The following SALL3 variants were observed in gnomAD, a reference collection of about 807,000 sequenced individuals.
SALL3 encodes sal-like protein 3.
In SALL3, 25 loss-of-function variants were observed where a neutral mutation model predicts 66.2. That is an observed-to-expected ratio of 0.38 (90% CI 0.28 to 0.53). The LOEUF is 0.53. SALL3 is among the 20% of genes least tolerant of loss of function. The pLI, the probability that SALL3 is intolerant of heterozygous loss-of-function variation, is 0.85. For synonymous variants in SALL3, 1,152 were observed against 899.1 expected, an observed-to-expected ratio of 1.28 and a Z score of -5.03; for missense variants, 2,194 against 1,916.5, an observed-to-expected ratio of 1.14 and a Z score of -2.70.
At position 78,993,884 on chromosome 18, in the gene SALL3, C is replaced by T. The variant is rs755300592; in HGVS notation, c.1893C>T (p.Leu631=). ...PTSVDGAPTS[L]GSPGLPAVSE... The stretch of plus-strand genomic sequence containing the variant: ...CGGTGGACGGCGCACCCACGAGCCT[C>T]GGCAGCCCCGGGCTGCCCGCCGTCT... The change falls in exon 2 of 3, where the codon CTC becomes CTT. Residue 631 remains leucine, a synonymous_variant. Coordinates refer to ENST00000537592, the MANE Select transcript of SALL3 (RefSeq NM_171999.4). 40 of 1,575,176 alleles carry T rather than the reference C, an allele frequency of 2.5e-5. No individual in the cohort carries two copies. The highest frequency in any genetic ancestry group is 2.8e-5 in the Non-Finnish European group (33 of 1,162,000).
rs769881505 is a variant in SALL3, at chr18:78,993,068, A to G, written c.1077A>G (p.Pro359=). ...TGCTGGGTGCGGCGCCCGGCCTGCC[A>G]AGTCCGCTTCTACCTCAGACTTCCG... ...GSLLGAAPGL[P]SPLLPQTSAS... Residue 359 remains proline (P), a synonymous_variant, in exon 2 of 3, where the codon CCA becomes CCG. Coordinates refer to ENST00000537592, the MANE Select transcript of SALL3 (RefSeq NM_171999.4). 6.3e-7 allele frequency: 1 copy of G among 1,594,520 alleles called. No homozygotes were observed. Among genetic ancestry groups the G allele is most frequent in the South Asian group, 1.1e-5 (1 of 89,166 alleles).
At position 78,995,611 on chromosome 18, in the gene SALL3, AT is replaced by A. The variant is rs922822013; in HGVS notation, c.3471+150del. The stretch of plus-strand genomic sequence containing the variant: ...CCACGCCTGTGGGTGTGTGTGCGTG[AT>A]GTGTGCGTGTTATAGGGTGTGATAT... On this transcript the variant is annotated intron_variant, in intron 2 of 2. Coordinates refer to ENST00000537592, the MANE Select transcript of SALL3 (RefSeq NM_171999.4). 1.1e-4 allele frequency: 137 copies of A among 1,299,656 alleles called. No individual in the cohort carries two copies. The African/African-American group carries it at 1.8e-3, about 17-fold the overall frequency. 80.5% of individuals were successfully genotyped at this position (1,299,656 alleles called of 1,614,324 possible).
intron 1 of SALL3, among the ~76,000 whole-genome samples, chr18:78,989,465 G>A (rs567461252): frequency 2.0e-5 from 3 of 152,162 alleles, no homozygotes; most frequent in Non-Finnish European, 4.4e-5. Flanking sequence ...AAGATAAAAT[G>A]TATCTGTGGT....
Position 78,993,249 on chromosome 18 carries a change from C to T in SALL3, c.1258C>T (p.His420Tyr). 3 of 1,610,938 alleles carry T rather than the reference C, an allele frequency of 1.9e-6. No homozygotes were observed. Among genetic ancestry groups the T allele is most frequent in the Non-Finnish European group, 2.5e-6 (3 of 1,179,686 alleles). ...KASAEDPFFKHKCRFCAKVFG... is the reference protein window; with the variant it reads ...KASAEDPFFKYKCRFCAKVFG... ...CAGCGCCGAGGACCCGTTCTTCAAGCACAAATGCCGCTTCTGCGCCAAGGT... is the reference window on the plus strand; with the variant it reads ...CAGCGCCGAGGACCCGTTCTTCAAGTACAAATGCCGCTTCTGCGCCAAGGT... The change falls in exon 2 of 3, where the codon CAC (histidine) becomes TAC (tyrosine). Residue 420 changes from histidine (H) to tyrosine (Y), a missense_variant. Coordinates refer to ENST00000537592, the MANE Select transcript of SALL3 (RefSeq NM_171999.4).
At chr18:78,990,396 G>A (rs1197143904) in intron 1 of SALL3, among the ~76,000 whole-genome samples, 3 of 152,154 alleles carry the variant, frequency 2.0e-5, no homozygotes, top group African/African-American at 4.8e-5. Context: ...ATTGAACACT[G>A]CTAATAATTT....
In SALL3 at chr18:78,994,904, G is replaced by A; in HGVS notation, c.2913G>A (p.Arg971=). The part of the protein sequence containing the change: ...PFSLLFLSRE[R]GKCPSTVCGV... ...GCCTGCTGTTCCTGAGCAGGGAGCG[G>A]GGTAAGTGTCCCAGCACTGTGTGTG... is the stretch of plus-strand genomic sequence containing the variant. Residue 971 remains arginine, a synonymous_variant, in exon 2 of 3, where the codon CGG becomes CGA. Coordinates refer to ENST00000537592, the MANE Select transcript of SALL3 (RefSeq NM_171999.4). 1 of 1,612,952 alleles carries A rather than the reference G, an allele frequency of 6.2e-7. No individual in the cohort carries two copies. Among genetic ancestry groups the A allele is most frequent in the African/African-American group, 1.3e-5 (1 of 75,046 alleles).
At chr18:78,995,702 CGT>C (rs4030880) in intron 2 of SALL3, among the ~76,000 whole-genome samples, 1 of 151,624 alleles carries the variant, frequency 6.6e-6, no homozygotes, top group Admixed American at 6.6e-5. Flanking sequence ...GTGTATGGGT[CGT>C]GTGTGTGTGC....
Position 78,992,859 on chromosome 18 carries a change from CAGCCGCTGTCCCGGCCCG to C in SALL3, c.871_888del (p.Pro291_Glu296del), listed in dbSNP as rs1045093394. 7.3e-5 allele frequency: 72 copies of C among 983,022 alleles called. No individual in the cohort carries two copies. In the South Asian group the frequency reaches 1.7e-3, roughly 23 times the overall value. 60.9% of individuals were successfully genotyped at this position (983,022 alleles called of 1,614,324 possible). On this transcript the variant is annotated inframe_deletion, in exon 2 of 3. Transcript: ENST00000537592. ...CGCCCCGGCCGCCTTCGAGGGCGCG[CAGCCGCTGTCCCGGCCCG>C]AGTCTGGCGCCAGCACCCCCGGCGG...
chr18:78,980,811 G>A (rs1371983461), intron 1 of SALL3, among the ~76,000 whole-genome samples: 4 of 152,180 alleles, frequency 2.6e-5, no homozygotes, highest in East Asian at 2.0e-4. Flanking sequence ...TTGTTCGGGG[G>A]CCCGCGGCCC....
At position 78,996,943 on chromosome 18, in the gene SALL3, G is replaced by T; in HGVS notation, c.3524G>T (p.Arg1175Leu). ...AACGCCCCCGCGAGACGCGGCCGCC[G>T]CCTGTCTGTGGAGAACCCCATGGCT... is the stretch of plus-strand genomic sequence containing the variant. The part of the protein sequence containing the change: ...WNNAPARRGR[R>L]LSVENPMALL... The change falls in exon 3 of 3, where the codon CGC becomes CTC. Residue 1175 changes from arginine to leucine, a missense_variant. Transcript: ENST00000537592. 6.2e-7 allele frequency: 1 copy of T among 1,613,346 alleles called. No individual in the cohort carries two copies.
chr18:78,993,030 G>T lies in SALL3; in HGVS notation c.1039G>T (p.Ala347Ser), dbSNP rs778150835. 5.6e-5 allele frequency: 87 copies of T among 1,565,952 alleles called. No homozygotes were observed. Among genetic ancestry groups the T allele is most frequent in the East Asian group, 2.3e-5 (1 of 43,000 alleles). Residue 347 changes from alanine to serine, a missense_variant, in exon 2 of 3, where the codon GCC becomes TCC. Coordinates refer to ENST00000537592, the MANE Select transcript of SALL3 (RefSeq NM_171999.4). ...PQSASTPPAL[A>S]PGSLLGAAPG... ...GAGCGCATCCACGCCGCCTGCCCTGGCCCCGGGGTCCCTGCTGGGTGCGGC... is the reference window on the plus strand; with the variant it reads ...GAGCGCATCCACGCCGCCTGCCCTGTCCCCGGGGTCCCTGCTGGGTGCGGC...
At chr18:78,996,658 A>G (rs1215093764) in intron 2 of SALL3, among the ~76,000 whole-genome samples, 1 of 152,252 alleles carries the variant, frequency 6.6e-6, no homozygotes, top group East Asian at 1.9e-4. Context: ...AAAGTTTGTC[A>G]ACTGAAAGAC....
rs569599034 is a variant in SALL3 at position 78,997,673 on chromosome 18, C to T, written c.*351C>T. 1 of 291,686 alleles carries T rather than the reference C, an allele frequency of 3.4e-6. No individual in the cohort carries two copies. Among genetic ancestry groups the T allele is most frequent in the African/African-American group, 2.1e-5 (1 of 46,920 alleles). 18.1% of individuals were successfully genotyped at this position (291,686 alleles called of 1,614,324 possible). Reference sequence around the variant, plus strand: ...TTCTCTGCGGTATTCCAGTGAAACTCATTTGATGGTTTCTTTTGAATTAGT... The same window carrying T: ...TTCTCTGCGGTATTCCAGTGAAACTTATTTGATGGTTTCTTTTGAATTAGT... On this transcript the variant is annotated 3_prime_UTR_variant, in exon 3 of 3. Transcript: ENST00000537592.
At chr18:78,989,124 A>G (rs1472710749) in intron 1 of SALL3, among the ~76,000 whole-genome samples, 1 of 152,218 alleles carries the variant, frequency 6.6e-6, no homozygotes. Context: ...TTTAAACAAA[A>G]TGACTTACTA....
In SALL3 at chr18:78,992,231, G is replaced by T; in HGVS notation, c.240G>T (p.Leu80=). 3.1e-6 allele frequency: 5 copies of T among 1,602,274 alleles called. No homozygotes were observed. The highest frequency in any genetic ancestry group is 2.7e-5 in the African/African-American group (2 of 74,252). ...GCTGCACCAAGCTCCCGCCCGTGCT[G>T]ATCGTGCACGAGGACGCGCCCGCGC... ...QRSCTKLPPV[L]IVHEDAPAPP... Residue 80 remains leucine, a synonymous_variant, in exon 2 of 3, where the codon CTG becomes CTT. Transcript: ENST00000537592.
chr18:78,996,807 C>CCT (rs964693918), intron 2 of SALL3, 84 bp from the exon 3 acceptor site: 2 of 1,404,018 alleles, frequency 1.4e-6, no homozygotes, highest in African/African-American at 2.9e-5. Flanking sequence ...GCGGGGTGGA[C>CCT]CTCTGTCTGC....
rs201730230 is a variant in SALL3 at position 78,993,144 on chromosome 18, A to T, written c.1153A>T (p.Asn385Tyr). ...NPLVSIAATA[N>Y]ALDPLSALMK... ...GCTGGTCAGCATCGCGGCCACGGCC[A>T]ACGCTCTGGACCCGCTGTCCGCGCT... The change falls in exon 2 of 3, where the codon AAC becomes TAC. Residue 385 changes from asparagine to tyrosine, a missense_variant. Transcript: ENST00000537592. The T allele has an allele frequency of 5.3e-5, 85 of 1,606,252 alleles. No individual in the cohort carries two copies. The highest frequency in any genetic ancestry group is 6.2e-5 in the Non-Finnish European group (73 of 1,177,744).
chr18:78,984,774 C>T (rs1914184258), intron 1 of SALL3, among the ~76,000 whole-genome samples: 1 of 152,170 alleles, frequency 6.6e-6, no homozygotes, highest in Non-Finnish European at 1.5e-5. Context: ...GGAATGGTTT[C>T]TATGTTAGAG....
rs769820336 is a variant in SALL3 at position 78,994,966 on chromosome 18, T to G, written c.2975T>G (p.Leu992Trp). Residue 992 changes from leucine to tryptophan, a missense_variant, in exon 2 of 3, where the codon TTG (leucine) becomes TGG (tryptophan). Coordinates refer to ENST00000537592, the MANE Select transcript of SALL3 (RefSeq NM_171999.4). ...AAGCCTTTTGCTTGCAAGAGCGCGT[T>G]GGAAATCCACTACCGCAGCCATACT... ...CGKPFACKSALEIHYRSHTKE... is the reference protein window; with the variant it reads ...CGKPFACKSAWEIHYRSHTKE... 1.9e-6 allele frequency: 3 copies of G among 1,613,752 alleles called. No homozygotes were observed. The highest frequency in any genetic ancestry group is 2.5e-6 in the Non-Finnish European group (3 of 1,180,004).
Sources: gnomAD v4.1 joint callset for allele counts (sites outside exome capture counted in the v4.1 genomes callset) on GRCh38, gnomAD v4.1.1 for gene constraint, MANE v1.5 for transcripts, NCBI Gene and HGNC (gene_info 2026-07-23, HGNC 2026-07-21) for gene names.